RASA3: variants seen among roughly 807,000 people sequenced by gnomAD.
RASA3 encodes RAS p21 protein activator 3, also known as ras GTPase-activating protein 3.
Under a neutral mutation model 110.0 loss-of-function variants are expected in RASA3, and 73 were observed. The ratio of observed to expected loss-of-function variants is 0.66; its 90% confidence interval spans 0.55 to 0.81. The LOEUF (loss-of-function observed/expected upper bound fraction) is 0.81. Ranked by LOEUF, RASA3 falls within the 30% of genes least tolerant of loss-of-function variation. RASA3 has a pLI of 0.00. For synonymous variants in RASA3, 500 were observed against 451.4 expected (o/e 1.11, Z -1.37); for missense variants, 976 against 1,113.2 (o/e 0.88, Z 1.75).
rs9590446 is a variant in RASA3 at position 114,111,461 on chromosome 13, A to G, written c.55+20974T>C. Among the ~76,000 whole-genome samples, 10 of 7,106 alleles carry G rather than the reference A, an allele frequency of 1.4e-3. 1 individual carries two copies. The highest frequency in any genetic ancestry group is 8.5e-3 in the East Asian group (1 of 118). The allele number at this position is 7,106 out of a possible 152,430, so 4.7% of individuals were successfully genotyped here. On this transcript the variant is annotated intron_variant, in intron 1 of 23. Transcript: ENST00000334062. The stretch of plus-strand genomic sequence containing the variant: ...GAGCTGAGCCTCAAACCAGCTGCAG[A>G]CCGAGTTCTAACGGGCTGAGCCTCA...
intron 11 of RASA3, 140 bp downstream of exon 11, chr13:114,017,964 G>A (rs1389114134): frequency 7.0e-6 from 7 of 1,000,034 alleles, no homozygotes; most frequent in Non-Finnish European, 9.6e-6. Context: ...GTCTGTGAAA[G>A]AAAACCTGAA....
At chr13:114,130,720 G>C (rs1402693776) in intron 1 of RASA3, among the ~76,000 whole-genome samples, 1 of 152,230 alleles carries the variant, frequency 6.6e-6, no homozygotes, top group African/African-American at 2.4e-5. Flanking sequence ...TACACAGCGA[G>C]CATGCTGTGC....
intron 1 of RASA3, among the ~76,000 whole-genome samples, chr13:114,117,561 GA>G (rs1316586058): frequency 1.4e-5 from 2 of 146,430 alleles, no homozygotes. Context: ...GCACGTGTGT[GA>G]GGGGTGCATG....
chr13:113,979,398 G>A lies in RASA3; in HGVS notation c.2454C>T (p.Ser818=). The A allele has an allele frequency of 6.2e-7, 1 of 1,605,976 alleles. No individual in the cohort carries two copies. The highest frequency in any genetic ancestry group is 8.5e-7 in the Non-Finnish European group (1 of 1,172,758). Residue 818 remains serine, a synonymous_variant, in exon 24 of 24, where the codon AGC becomes AGT. Coordinates refer to ENST00000334062, the MANE Select transcript of RASA3 (RefSeq NM_007368.4). ...ACTGCTGCCGGATGTAGTTCTGGAA[G>A]CTCTTGTCTCCGATGGGGTGCTCCC... is the stretch of plus-strand genomic sequence containing the variant. ...GSQEHPIGDK[S]FQNYIRQQSE...
chr13:113,996,515 C>T lies in RASA3; in HGVS notation c.2141+16G>A, dbSNP rs377666135. The T allele has an allele frequency of 2.9e-5, 47 of 1,608,038 alleles. No homozygotes were observed. The highest frequency in any genetic ancestry group is 2.5e-4 in the East Asian group (11 of 44,850). ...CCTGCACAGTGCACGAGCTGGGCAC[C>T]GAGGCACAGACCTACCCAGTGCAGG... On this transcript the variant is annotated intron_variant, in intron 21 of 23. Coordinates refer to ENST00000334062, the MANE Select transcript of RASA3 (RefSeq NM_007368.4).
chr13:114,125,421 C>A (rs745820710), intron 1 of RASA3, among the ~76,000 whole-genome samples: 1 of 152,160 alleles, frequency 6.6e-6, no homozygotes, highest in Admixed American at 6.5e-5. Context: ...GTGTCTCACA[C>A]GGCGAGAGCG....
rs2080535276 is a variant in RASA3, at chr13:114,132,445, C to A, written c.45G>T (p.Lys15Asn). Residue 15 changes from lysine (K) to asparagine (N), a missense_variant, in exon 1 of 24, where the codon AAG becomes AAT. Physicochemically the swap from Lys to Asn is moderately conservative, Grantham distance 94. Around this residue, in one of 4 missense-constraint regions of RASA3, gnomAD observed 732 missense variants for 779.7 expected, o/e 0.94. Coordinates refer to ENST00000334062, the MANE Select transcript of RASA3 (RefSeq NM_007368.4). ...DEGLRVFQSV[K>N]IKIGEAKNLP... ...CCGGCGGACACTCACCGATCTTGAT[C>A]TTCACGCTCTGGAAGACCCGGAGCC... 6.5e-7 allele frequency: 1 copy of A among 1,528,948 alleles called. No homozygotes were observed. The highest frequency in any genetic ancestry group is 8.7e-7 in the Non-Finnish European group (1 of 1,145,588). 94.7% of individuals were successfully genotyped at this position (1,528,948 alleles called of 1,614,324 possible).
chr13:114,050,949 A>G (rs2079134337), intron 3 of RASA3, among the ~76,000 whole-genome samples: 1 of 152,228 alleles, frequency 6.6e-6, no homozygotes, highest in African/African-American at 2.4e-5. Context: ...CGATGAAGAA[A>G]GCCCACAGCT....
At chr13:114,018,030 G>T in intron 11 of RASA3, 74 bp downstream of exon 11, 1 of 1,412,292 alleles carries the variant, frequency 7.1e-7, no homozygotes, top group East Asian at 2.8e-5. Flanking sequence ...CAGGACACGT[G>T]GTTCTCGGCG....
intron 18 of RASA3, among the ~76,000 whole-genome samples, chr13:114,004,277 C>T (rs2053465351): frequency 6.6e-6 from 1 of 152,060 alleles, no homozygotes. Context: ...ACAGAGCAAA[C>T]AGACGACCTG....
intron 2 of RASA3, 55 bp downstream of exon 2, chr13:114,073,664 AT>A (rs1419878221): frequency 1.2e-5 from 17 of 1,406,914 alleles, no homozygotes; most frequent in Non-Finnish European, 1.7e-5. Context: ...CCCTTGGGAC[AT>A]TCTCTACACC....
At chr13:114,064,232 CCACGT>C (rs1302824352) in intron 2 of RASA3, among the ~76,000 whole-genome samples, 1 of 152,236 alleles carries the variant, frequency 6.6e-6, no homozygotes, top group Non-Finnish European at 1.5e-5. Context: ...GCGAGGCCAG[CCACGT>C]CCACCTCGAT....
intron 4 of RASA3, 48 bp from the exon 5 acceptor site, chr13:114,029,935 C>A (rs145085249): frequency 6.6e-7 from 1 of 1,509,426 alleles, no homozygotes; most frequent in African/African-American, 1.4e-5. Flanking sequence ...GCTGCTCCCA[C>A]AGGCCACTAG....
At chr13:114,043,842 CCG>C (rs1435386337) in intron 3 of RASA3, among the ~76,000 whole-genome samples, 18 of 67,064 alleles carry the variant, frequency 2.7e-4, no homozygotes, top group African/African-American at 8.8e-4. Flanking sequence ...GCTGAGCCCC[CCG>C]CCCCGCCTCA....
At chr13:114,058,591 C>A (rs2079285926) in intron 2 of RASA3, among the ~76,000 whole-genome samples, 1 of 152,252 alleles carries the variant, frequency 6.6e-6, no homozygotes, top group Non-Finnish European at 1.5e-5. Context: ...CATCTCCTTC[C>A]CTCTCAGAGC....
intron 1 of RASA3, among the ~76,000 whole-genome samples, chr13:114,119,235 A>G (rs1051907799): frequency 1.3e-5 from 2 of 152,186 alleles, no homozygotes; most frequent in Non-Finnish European, 2.9e-5. Context: ...CCAGTCTTTC[A>G]TTTTCACTCA....
chr13:114,082,408 G>A (rs973816933), intron 1 of RASA3, among the ~76,000 whole-genome samples: 16 of 152,366 alleles, frequency 1.1e-4, no homozygotes, highest in Admixed American at 9.8e-4. Context: ...CTCTTATAAC[G>A]GGCAGTGGCA....
intron 1 of RASA3, among the ~76,000 whole-genome samples, chr13:114,113,157 G>A (rs2080240043): frequency 6.6e-6 from 1 of 152,202 alleles, no homozygotes; most frequent in African/African-American, 2.4e-5. Flanking sequence ...TACCTCCTGG[G>A]CTGTTTCCAC....
chr13:114,045,689 G>A (rs142330707), intron 3 of RASA3, among the ~76,000 whole-genome samples: 36 of 152,322 alleles, frequency 2.4e-4, no homozygotes, highest in African/African-American at 7.7e-4. Flanking sequence ...CAAGAACAGA[G>A]AACACAAAGT....
Sources: allele counts gnomAD v4.1 joint callset (sites outside exome capture counted in the v4.1 genomes callset), GRCh38; gene constraint gnomAD v4.1.1; regional missense constraint gnomAD v4.1.1; transcripts MANE v1.5; gene names NCBI Gene and HGNC (gene_info 2026-07-23, HGNC 2026-07-21).